Variants in NRXN3 observed in about 807,000 individuals in gnomAD.
NRXN3 encodes the protein neurexin III.
Under a neutral mutation model 137.6 loss-of-function variants are expected in NRXN3, and 32 were observed. That is an observed-to-expected ratio of 0.23 (90% CI 0.18 to 0.31). The LOEUF is 0.31. Among genes scored for constraint, NRXN3 ranks in the 10% least tolerant of loss-of-function variants. The pLI, the probability that NRXN3 is intolerant of heterozygous loss-of-function variation, is 1.00. For missense variants in NRXN3, 1,574 were observed against 2,062.5 expected (o/e 0.76, Z 4.59); for synonymous variants, 798 against 784.5 (o/e 1.02, Z -0.29).
In NRXN3 at chr14:79,438,275, C is replaced by G. The variant is rs373131079; in HGVS notation, c.3263-28946C>G. Among the ~76,000 whole-genome samples, 45 of 152,254 alleles carry G rather than the reference C, an allele frequency of 3.0e-4. 1 individual carries two copies. The highest frequency in any genetic ancestry group is 9.9e-4 in the African/African-American group (41 of 41,546). ...TCTTAGGATCTGCTTATGGGTTGGA[C>G]TCAGCCCAAGATATTCTCTATCTAG... On this transcript the variant is annotated intron_variant, in intron 15 of 20. Coordinates refer to ENST00000335750, the MANE Select transcript of NRXN3 (RefSeq NM_001330195.2).
chr14:78,192,099 TGTGTGTGTGA>T lies in NRXN3; in HGVS notation c.-704+21427_-704+21436del, dbSNP rs1555397106. ...GTGTGTGTGTGTGTGTGTGTGTGTG[TGTGTGTGTGA>T]GAGAGAGAGCATACATGTGTGCAAG... is the stretch of plus-strand genomic sequence containing the variant. On this transcript the variant is annotated intron_variant, in intron 1 of 20. Coordinates refer to ENST00000335750, the MANE Select transcript of NRXN3 (RefSeq NM_001330195.2). Among the ~76,000 whole-genome samples the T allele has an allele frequency of 7.3e-5, 10 of 137,324 alleles. 1 individual carries two copies. Among genetic ancestry groups the T allele is most frequent in the Middle Eastern group, 7.1e-3 (2 of 282 alleles). The allele number at this position is 137,324 out of a possible 152,430, so 90.1% of individuals were successfully genotyped here. A position where few individuals can be genotyped will look rare whatever the true frequency, so the allele number is the denominator to read the frequency against.
At chr14:79,688,637 G>C (rs145997510) in intron 17 of NRXN3, among the ~76,000 whole-genome samples, 242 of 152,232 alleles carry the variant, frequency 1.6e-3, no homozygotes, top group African/African-American at 5.6e-3. Context: ...TTTATCCTAA[G>C]TGGATTCACC....
intron 4 of NRXN3, among the ~76,000 whole-genome samples, chr14:78,628,899 A>T (rs547102215): frequency 2.0e-5 from 3 of 152,342 alleles, no homozygotes; most frequent in Admixed American, 6.5e-5. Flanking sequence ...AGGAGAAACA[A>T]GAAGGTTGGA....
intron 3 of NRXN3, among the ~76,000 whole-genome samples, chr14:78,290,091 C>T (rs951274694): frequency 6.6e-6 from 1 of 152,140 alleles, no homozygotes; most frequent in African/African-American, 2.4e-5. Flanking sequence ...TGACTAATGC[C>T]TCCCCTAATG....
At chr14:79,680,133 A>T (rs2098662426) in intron 17 of NRXN3, among the ~76,000 whole-genome samples, 1 of 152,192 alleles carries the variant, frequency 6.6e-6, no homozygotes, top group Admixed American at 6.6e-5. Flanking sequence ...CAATGAGTTT[A>T]AAAAGGCTGC....
chr14:78,907,879 G>A (rs1280031780), intron 10 of NRXN3, among the ~76,000 whole-genome samples: 2 of 152,016 alleles, frequency 1.3e-5, no homozygotes, highest in Non-Finnish European at 2.9e-5. Flanking sequence ...ACTTATAAGA[G>A]AGAACATGTG....
intron 9 of NRXN3, among the ~76,000 whole-genome samples, chr14:78,805,748 T>G (rs895909614): frequency 2.6e-5 from 4 of 151,870 alleles, no homozygotes; most frequent in African/African-American, 9.7e-5. Flanking sequence ...CCTGAGGGAG[T>G]GTACACAGTG....
At chr14:78,390,756 G>A (rs958268759) in intron 4 of NRXN3, among the ~76,000 whole-genome samples, 1 of 152,102 alleles carries the variant, frequency 6.6e-6, no homozygotes, top group African/African-American at 2.4e-5. Flanking sequence ...CTGGTTAAAT[G>A]AGTATTTTAG....
At chr14:79,714,891 G>T (rs1000332850) in intron 19 of NRXN3, among the ~76,000 whole-genome samples, 1 of 152,158 alleles carries the variant, frequency 6.6e-6, no homozygotes, top group Admixed American at 6.5e-5. Context: ...TATGAAAGGC[G>T]ATTGTGTTAG....
chr14:79,206,741 T>C (rs182275322), intron 15 of NRXN3, among the ~76,000 whole-genome samples: 1 of 152,338 alleles, frequency 6.6e-6, no homozygotes, highest in East Asian at 1.9e-4. Flanking sequence ...GAATTTTTCT[T>C]TTCTTTTTGA....
At chr14:78,519,014 A>G (rs566117433) in intron 4 of NRXN3, among the ~76,000 whole-genome samples, 10 of 152,288 alleles carry the variant, frequency 6.6e-5, no homozygotes, top group African/African-American at 2.4e-4. Flanking sequence ...TCTAGCCTAT[A>G]AAGAAATATT....
At chr14:78,662,485 G>C (rs2097849606) in intron 6 of NRXN3, among the ~76,000 whole-genome samples, 1 of 152,046 alleles carries the variant, frequency 6.6e-6, no homozygotes, top group African/African-American at 2.4e-5. Flanking sequence ...CTTTCAGTAA[G>C]AGCTGTCCAA....
chr14:79,853,086 TAAGG>T (rs2141777397), intron 20 of NRXN3, among the ~76,000 whole-genome samples: 1 of 152,208 alleles, frequency 6.6e-6, no homozygotes, highest in South Asian at 2.1e-4. Context: ...ATGGGTGGCA[TAAGG>T]AAGATGGATG....
intron 15 of NRXN3, among the ~76,000 whole-genome samples, chr14:79,168,819 A>G (rs1018457163): frequency 2.6e-5 from 4 of 152,114 alleles, no homozygotes; most frequent in African/African-American, 4.8e-5. Flanking sequence ...TGTGAAATTT[A>G]TCATGAAATG....
intron 19 of NRXN3, among the ~76,000 whole-genome samples, chr14:79,704,778 G>T (rs539489511): frequency 1.3e-5 from 2 of 152,194 alleles, no homozygotes; most frequent in African/African-American, 4.8e-5. Context: ...TGGGGGGAGA[G>T]AAATTGCACT....
chr14:79,605,814 A>C (rs1175330306), intron 16 of NRXN3, among the ~76,000 whole-genome samples: 1 of 152,152 alleles, frequency 6.6e-6, no homozygotes, highest in African/African-American at 2.4e-5. Context: ...GATGGCCATC[A>C]CTGGTACAAC....
chr14:79,366,980 C>CTTTTTTTTT (rs71131695), intron 15 of NRXN3, among the ~76,000 whole-genome samples: 1 of 113,204 alleles, frequency 8.8e-6, no homozygotes. Flanking sequence ...GTCCCTTAGT[C>CTTTTTTTTT]TTTTTTTTTT....
At chr14:79,117,103 C>T (rs1162891646) in intron 15 of NRXN3, among the ~76,000 whole-genome samples, 1 of 152,166 alleles carries the variant, frequency 6.6e-6, no homozygotes. Context: ...GAGACATATT[C>T]AAGAATAAGA....
At chr14:78,579,526 G>T (rs1293522347) in intron 4 of NRXN3, among the ~76,000 whole-genome samples, 1 of 151,246 alleles carries the variant, frequency 6.6e-6, no homozygotes, top group African/African-American at 2.4e-5. Flanking sequence ...CTTGGGAGTG[G>T]TGGTGGTTAA....
Sources: allele counts gnomAD v4.1 joint callset (sites outside exome capture counted in the v4.1 genomes callset), GRCh38; gene constraint gnomAD v4.1.1; transcripts MANE v1.5; gene names NCBI Gene and HGNC (gene_info 2026-07-23, HGNC 2026-07-21).